DHX57: variants seen among roughly 807,000 people sequenced by gnomAD.
DHX57 encodes the protein DExH-box helicase 57.
In DHX57, 105 loss-of-function variants were observed where a neutral mutation model predicts 156.2. That is an observed-to-expected ratio of 0.67 (90% CI 0.57 to 0.79). DHX57 has a LOEUF of 0.79. Among genes scored for constraint, DHX57 ranks in the 30% least tolerant of loss-of-function variants. The pLI is 0.00. For missense variants in DHX57, 1,847 were observed against 1,661.9 expected (o/e 1.11, Z -1.94); for synonymous variants, 704 against 595.6 (o/e 1.18, Z -2.65).
At chr2:38,855,837 C>T (rs1248124305) in intron 7 of DHX57, among the ~76,000 whole-genome samples, 1 of 152,132 alleles carries the variant, frequency 6.6e-6, no homozygotes. Context: ...TGACTCACAC[C>T]TGTAATCCCA....
intron 21 of DHX57, 147 bp downstream of exon 21, chr2:38,813,674 A>G: frequency 1.0e-6 from 1 of 953,300 alleles, no homozygotes. Context: ...ACCCGGCCGA[A>G]AATGTATACT....
intron 12 of DHX57, among the ~76,000 whole-genome samples, chr2:38,839,079 G>T (rs373363175): frequency 6.6e-6 from 1 of 151,732 alleles, no homozygotes; most frequent in East Asian, 1.9e-4. Flanking sequence ...TTACAGGCAC[G>T]TAGTACCACG....
Position 38,833,855 on chromosome 2 carries a change from AAG to A in DHX57, c.2542+3974_2542+3975del, listed in dbSNP as rs1354174245. On this transcript the variant is annotated intron_variant, in intron 13 of 23. Coordinates refer to ENST00000457308, the MANE Select transcript of DHX57 (RefSeq NM_198963.3). ...CTAGAAATATGAAAAAAAATTAAGA[AAG>A]AGATATGTCATGAATGCATAAGACA... 3.9e-5 allele frequency among the ~76,000 whole-genome samples: 6 copies of A among 152,292 alleles called. No individual in the cohort carries two copies. In the East Asian group the frequency reaches 5.8e-4, roughly 15 times the overall value.
At chr2:38,846,660 T>C (rs1191598172) in intron 11 of DHX57, among the ~76,000 whole-genome samples, 1 of 150,324 alleles carries the variant, frequency 6.7e-6, no homozygotes, top group Non-Finnish European at 1.5e-5. Context: ...GTAGAGGGAC[T>C]TAAATATTGG....
At chr2:38,805,104 AGAG>A (rs1347967435) in intron 22 of DHX57, among the ~76,000 whole-genome samples, 1 of 152,208 alleles carries the variant, frequency 6.6e-6, no homozygotes, top group East Asian at 1.9e-4. Context: ...GATTCTCAAA[AGAG>A]GAGTAGTTCT....
At chr2:38,818,229 T>C (rs1056158097) in intron 19 of DHX57, among the ~76,000 whole-genome samples, 16 of 152,080 alleles carry the variant, frequency 1.1e-4, no homozygotes, top group Admixed American at 7.9e-4. Flanking sequence ...GGATTCAGGT[T>C]AAGAATGCCT....
rs965943997 is a variant in DHX57 at position 38,828,341 on chromosome 2, G to T, written c.2638C>A (p.Arg880=). 1.2e-5 allele frequency: 20 copies of T among 1,609,406 alleles called. No homozygotes were observed. The highest frequency in any genetic ancestry group is 1.6e-5 in the Non-Finnish European group (19 of 1,177,590). ...GAATATAGAAAGCAATTAGCTTACC[G>T]ATTACTACGTCTGTTGTTGAAAAGA... ...NSLFNNRRSN[R]CVIHPLHSSL... is the part of the protein sequence containing the mutation. Residue 880 remains arginine, a splice_region_variant and synonymous_variant, in exon 14 of 24, where the codon CGA becomes AGA. Transcript: ENST00000457308.
At chr2:38,854,864 A>C (rs531648830) in intron 8 of DHX57, 193 bp downstream of exon 8, 266 of 541,618 alleles carry the variant, frequency 4.9e-4, no homozygotes, top group Non-Finnish European at 6.5e-4. Context: ...GCCTGGCCAT[A>C]AGAGTTCTTA....
intron 12 of DHX57, chr2:38,838,726 G>A (rs888281989): frequency 4.6e-5 from 21 of 451,862 alleles, no homozygotes; most frequent in Middle Eastern, 3.3e-4. Flanking sequence ...ACAGTGACTC[G>A]CTGAACCTTT....
At chr2:38,824,531 T>C (rs1199758832) in intron 16 of DHX57, among the ~76,000 whole-genome samples, 1 of 152,212 alleles carries the variant, frequency 6.6e-6, no homozygotes, top group East Asian at 1.9e-4. Flanking sequence ...TAATAAAAAC[T>C]GGACATGATT....
rs1669758656 is a variant in DHX57, at chr2:38,802,895, G to A, written c.3837C>T (p.Pro1279=). The change falls in exon 23 of 24, where the codon CCC becomes CCT. Residue 1279 remains proline (P), a synonymous_variant. Coordinates refer to ENST00000457308, the MANE Select transcript of DHX57 (RefSeq NM_198963.3). The stretch of plus-strand genomic sequence containing the variant: ...TTATCTTCTCGTGGTACAACAGGTA[G>A]GGGCTGTCAAAGTGTCTCACCTGTA... ...VNYQVRHFDS[P]YLLYHEKIKT... 6.2e-7 allele frequency: 1 copy of A among 1,614,124 alleles called. No homozygotes were observed. The highest frequency in any genetic ancestry group is 1.3e-5 in the African/African-American group (1 of 75,032).
chr2:38,806,380 G>T, intron 22 of DHX57, 179 bp downstream of exon 22: 1 of 648,220 alleles, frequency 1.5e-6, no homozygotes, highest in East Asian at 3.0e-5. Flanking sequence ...TCTTCAAATG[G>T]AAATAGTCTT....
At chr2:38,833,789 T>A (rs575696996) in intron 13 of DHX57, among the ~76,000 whole-genome samples, 1 of 152,076 alleles carries the variant, frequency 6.6e-6, no homozygotes, top group South Asian at 2.1e-4. Context: ...TTTTGGAGAT[T>A]TGTGACAATT....
At position 38,817,151 on chromosome 2, in the gene DHX57, C is replaced by G. The variant is rs527733978; in HGVS notation, c.3472-1496G>C. ...TTCGCCATGTTGCCCGGGCTGGTCT[C>G]GAACTCCTGGGCTCAAAGGTTCTGC... On this transcript the variant is annotated intron_variant, in intron 19 of 23. Coordinates refer to ENST00000457308, the MANE Select transcript of DHX57 (RefSeq NM_198963.3). Among the ~76,000 whole-genome samples the G allele has an allele frequency of 3.8e-3, 575 of 151,820 alleles. 7 individuals carry two copies. Among genetic ancestry groups the G allele is most frequent in the African/African-American group, 0.013 (543 of 41,384 alleles).
At chr2:38,865,967 T>C (rs891342188) in intron 2 of DHX57, among the ~76,000 whole-genome samples, 4 of 152,130 alleles carry the variant, frequency 2.6e-5, no homozygotes, top group African/African-American at 9.7e-5. Flanking sequence ...TCATAGACTG[T>C]ACACTGCACA....
At chr2:38,842,918 T>C in intron 12 of DHX57, 87 bp downstream of exon 12, 1 of 1,399,970 alleles carries the variant, frequency 7.1e-7, no homozygotes, top group South Asian at 1.3e-5. Context: ...GAAACAAGAA[T>C]CATATTTTTC....
rs969972159 is a variant in DHX57 at position 38,868,313 on chromosome 2, A to C, written c.93T>G (p.Ser31Arg). Residue 31 changes from serine (S) to arginine (R), a missense_variant, in exon 2 of 24, where the codon AGT becomes AGG. Coordinates refer to ENST00000457308, the MANE Select transcript of DHX57 (RefSeq NM_198963.3). ...RGGRGGRSHA[S>R]KSHGSGGGGG... ...CACCGCCACCACTCCCATGAGATTT[A>C]CTGGCGTGACTCCTGCCTCCTCTTC... is the stretch of plus-strand genomic sequence containing the variant. 6.2e-7 allele frequency: 1 copy of C among 1,605,184 alleles called. No individual in the cohort carries two copies.
intron 9 of DHX57, among the ~76,000 whole-genome samples, chr2:38,850,855 A>G (rs1672550129): frequency 6.6e-6 from 1 of 152,054 alleles, no homozygotes; most frequent in African/African-American, 2.4e-5. Flanking sequence ...CGAGCATATC[A>G]CTTGAGCTCA....
In DHX57 at chr2:38,846,855, CT is replaced by C. The variant is rs999170295; in HGVS notation, c.2219+163del. Among the ~76,000 whole-genome samples the C allele has an allele frequency of 4.5e-3, 659 of 147,692 alleles. 5 individuals carry two copies. The highest frequency in any genetic ancestry group is 0.015 in the African/African-American group (608 of 40,516). ...TTCTGTTTTCAAAGTTTCACTGAAT[CT>C]TTTTTTTTTTCTCAATAGATGGGGG... On this transcript the variant is annotated intron_variant, in intron 11 of 23. Coordinates refer to ENST00000457308, the MANE Select transcript of DHX57 (RefSeq NM_198963.3).
Sources: gnomAD v4.1 joint callset for allele counts (sites outside exome capture counted in the v4.1 genomes callset) on GRCh38, gnomAD v4.1.1 for gene constraint, MANE v1.5 for transcripts, NCBI Gene and HGNC (gene_info 2026-07-23, HGNC 2026-07-21) for gene names.